Variants in LARGE1 observed in about 807,000 individuals in gnomAD.
LARGE1 encodes the protein LARGE xylosyl- and glucuronyltransferase 1.
A neutral mutation model predicts 87.6 loss-of-function variants in LARGE1; 43 were observed. The observed-to-expected ratio is 0.49, with a 90% CI of 0.38 to 0.63. The LOEUF (loss-of-function observed/expected upper bound fraction) is 0.63. LARGE1 is among the 30% of genes least tolerant of loss of function. The probability of loss-of-function intolerance (pLI) is 0.00; values close to 1 mark genes in which losing one functional copy is unlikely to be tolerated. For synonymous variants in LARGE1, 434 were observed against 394.6 expected, an observed-to-expected ratio of 1.10 and a Z score of -1.18; for missense variants, 802 against 1,000.2, an observed-to-expected ratio of 0.80 and a Z score of 2.67.
intron 4 of LARGE1, among the ~76,000 whole-genome samples, chr22:33,611,559 G>A (rs1456865959): frequency 2.0e-5 from 3 of 152,162 alleles, no homozygotes; most frequent in Non-Finnish European, 4.4e-5. Flanking sequence ...TAAATACTGC[G>A]TTTTGATTTT....
chr22:33,581,121 A>G (rs1372049347), intron 5 of LARGE1, among the ~76,000 whole-genome samples: 1 of 152,220 alleles, frequency 6.6e-6, no homozygotes, highest in Non-Finnish European at 1.5e-5. Context: ...TAAGGGATTC[A>G]TACCTCTATT....
At chr22:33,152,629 T>C in the LARGE1 span, among the ~76,000 whole-genome samples, 1 of 152,154 alleles carries the variant, frequency 6.6e-6, no homozygotes, top group African/African-American at 2.4e-5. Flanking sequence ...TAGGTGTATA[T>C]ATTTATGGGG....
chr22:33,329,315 AT>A (rs5845079), intron 10 of LARGE1, among the ~76,000 whole-genome samples: 102,867 of 151,252 alleles, frequency 0.68, 34,909 homozygotes, highest in East Asian at 0.81. Context: ...TGTCCAGTGT[AT>A]TTTTTTTTTG....
exon 12 of LARGE1, chr22:33,164,914 C>T (rs1012069262): frequency 6.6e-6 from 1 of 151,994 alleles, no homozygotes; most frequent in African/African-American, 2.4e-5. Flanking sequence ...AACAGAAAAC[C>T]AAATACCGCA....
At chr22:33,647,906 C>T (rs762684464) in intron 3 of LARGE1, among the ~76,000 whole-genome samples, 10 of 152,164 alleles carry the variant, frequency 6.6e-5, no homozygotes, top group African/African-American at 1.2e-4. Flanking sequence ...TACAGATGCG[C>T]GCCACCACAT....
the LARGE1 span, among the ~76,000 whole-genome samples, chr22:33,079,168 C>T: frequency 9.3e-4 from 139 of 149,724 alleles, no homozygotes; most frequent in African/African-American, 3.2e-3. Context: ...GTACATAAAG[C>T]GCTTAGAGGC....
chr22:33,264,540 T>C (rs2145757780), intron 11 of LARGE1, among the ~76,000 whole-genome samples: 1 of 152,250 alleles, frequency 6.6e-6, no homozygotes, highest in Non-Finnish European at 1.5e-5. Flanking sequence ...ACACCTGTAG[T>C]CTCAGCTACT....
intron 6 of LARGE1, among the ~76,000 whole-genome samples, chr22:33,451,026 A>C (rs1474989789): frequency 6.6e-6 from 1 of 152,198 alleles, no homozygotes; most frequent in African/African-American, 2.4e-5. Context: ...GACGCAGCCC[A>C]CTGATCTCCC....
At chr22:33,910,152 AT>A (rs1277163941) in intron 1 of LARGE1, among the ~76,000 whole-genome samples, 1 of 152,144 alleles carries the variant, frequency 6.6e-6, no homozygotes, top group African/African-American at 2.4e-5. Context: ...TGCTTAACTT[AT>A]GACACATTTT....
At chr22:33,502,413 G>T (rs1314651667) in intron 6 of LARGE1, among the ~76,000 whole-genome samples, 1 of 152,158 alleles carries the variant, frequency 6.6e-6, no homozygotes, top group Non-Finnish European at 1.5e-5. Flanking sequence ...CTGAAAAGAA[G>T]GGACATGAGG....
chr22:33,287,092 G>T (rs1365241178), intron 12 of LARGE1, among the ~76,000 whole-genome samples: 6 of 152,218 alleles, frequency 3.9e-5, no homozygotes, highest in Non-Finnish European at 7.3e-5. Flanking sequence ...CTTCTGAACT[G>T]CTGCAGAGGG....
rs1272847827 is a variant in LARGE1, at chr22:33,501,082, G to A, written c.787+63766C>T. On this transcript the variant is annotated intron_variant, in intron 6 of 14. Coordinates refer to ENST00000397394, the MANE Select transcript of LARGE1 (RefSeq NM_133642.5). ...ACCCTAAGGAGGAATCAAAGACGGA[G>A]GGTGGAGGGTGACACTTCAAAGAAG... is the stretch of plus-strand genomic sequence containing the variant. 5.9e-5 allele frequency among the ~76,000 whole-genome samples: 9 copies of A among 152,172 alleles called. No homozygotes were observed. In the East Asian group the frequency reaches 1.7e-3, roughly 29 times the overall value.
At position 33,916,004 on chromosome 22, in the gene LARGE1, C is replaced by T. The variant is rs1052328715; in HGVS notation, c.-83+3991G>A. Among the ~76,000 whole-genome samples the T allele has an allele frequency of 3.3e-5, 5 of 152,040 alleles. No homozygotes were observed. In the East Asian group the frequency reaches 5.8e-4, roughly 18 times the overall value. On this transcript the variant is annotated intron_variant, in intron 1 of 14. Transcript: ENST00000397394. ...GGTAATAATAGTTGAATGTCTGGCC[C>T]GGGCACGGTGGCTCACACCTGTAAT...
At chr22:33,396,677 G>A (rs556547626) in intron 7 of LARGE1, among the ~76,000 whole-genome samples, 5 of 152,130 alleles carry the variant, frequency 3.3e-5, no homozygotes, top group East Asian at 3.9e-4. Context: ...GTCCCTGCCC[G>A]AGAGAGCTTG....
chr22:33,211,714 A>G (rs552436814), intron 11 of LARGE1, among the ~76,000 whole-genome samples: 17 of 152,258 alleles, frequency 1.1e-4, no homozygotes, highest in Admixed American at 7.2e-4. Context: ...CGGCGGCTGC[A>G]GTGAGCCGAG....
At chr22:33,158,952 T>C (rs1921943625), downstream of LARGE1, among the ~76,000 whole-genome samples, 1 of 152,236 alleles carries the variant, frequency 6.6e-6, no homozygotes, top group Admixed American at 6.5e-5. Flanking sequence ...GGTTAAATAA[T>C]GCAAAATGTT....
chr22:33,536,724 T>C (rs2077054766), intron 6 of LARGE1, among the ~76,000 whole-genome samples: 1 of 152,256 alleles, frequency 6.6e-6, no homozygotes, highest in South Asian at 2.1e-4. Flanking sequence ...TCAGGCATGA[T>C]GACTCCCATC....
At chr22:33,900,184 C>T (rs1264287596) in intron 1 of LARGE1, among the ~76,000 whole-genome samples, 1 of 152,172 alleles carries the variant, frequency 6.6e-6, no homozygotes, top group Non-Finnish European at 1.5e-5. Context: ...TCAAATTGTA[C>T]CACAGGGCAG....
At chr22:33,330,805 T>C (rs1352987847) in intron 10 of LARGE1, among the ~76,000 whole-genome samples, 1 of 152,188 alleles carries the variant, frequency 6.6e-6, no homozygotes, top group African/African-American at 2.4e-5. Context: ...GCCCCTCACA[T>C]CTTGGCTCCT....
Sources: allele counts gnomAD v4.1 joint callset (sites outside exome capture counted in the v4.1 genomes callset), GRCh38; gene constraint gnomAD v4.1.1; transcripts MANE v1.5; gene names NCBI Gene and HGNC (gene_info 2026-07-23, HGNC 2026-07-21).